Variants in PRKG1 observed in about 807,000 individuals in gnomAD.
The protein encoded by PRKG1 is protein kinase cGMP-dependent 1.
Under a neutral mutation model 88.1 loss-of-function variants are expected in PRKG1, and 35 were observed. The observed-to-expected ratio is 0.40, with a 90% CI of 0.30 to 0.53. PRKG1 has a LOEUF of 0.53. Ranked by LOEUF, PRKG1 falls within the 20% of genes least tolerant of loss-of-function variation. The pLI is 0.59. For synonymous variants in PRKG1, 303 were observed against 292.5 expected (o/e 1.04, Z -0.37); for missense variants, 540 against 839.8 (o/e 0.64, Z 4.41).
At chr10:51,378,331 A>G (rs1842855261) in intron 2 of PRKG1, among the ~76,000 whole-genome samples, 1 of 152,206 alleles carries the variant, frequency 6.6e-6, no homozygotes, top group South Asian at 2.1e-4. Flanking sequence ...CTTAAAATGC[A>G]TGATTCATGC....
chr10:52,141,866 C>A (rs1837590530), intron 8 of PRKG1, among the ~76,000 whole-genome samples: 2 of 152,184 alleles, frequency 1.3e-5, no homozygotes, highest in Middle Eastern at 3.4e-3. Context: ...AAAGGCCAAA[C>A]AATAAATATT....
intron 8 of PRKG1, among the ~76,000 whole-genome samples, chr10:52,145,248 C>A (rs1191983352): frequency 1.3e-5 from 2 of 152,232 alleles, no homozygotes; most frequent in African/African-American, 2.4e-5. Context: ...ATAAATAATT[C>A]ATTTTTTTCC....
At chr10:52,183,326 C>A (rs1432235347) in intron 9 of PRKG1, among the ~76,000 whole-genome samples, 1 of 152,146 alleles carries the variant, frequency 6.6e-6, no homozygotes, top group Non-Finnish European at 1.5e-5. Flanking sequence ...AAAGTGGGTA[C>A]AAAGGAACTG....
chr10:51,934,229 G>A (rs1320158406), intron 5 of PRKG1, among the ~76,000 whole-genome samples: 1 of 150,044 alleles, frequency 6.7e-6, no homozygotes, highest in Non-Finnish European at 1.5e-5. Flanking sequence ...CAAGTGTAGG[G>A]TTGTGTGCAT....
At chr10:51,556,053 A>T (rs941824600) in intron 3 of PRKG1, among the ~76,000 whole-genome samples, 1 of 151,986 alleles carries the variant, frequency 6.6e-6, no homozygotes, top group Non-Finnish European at 1.5e-5. Flanking sequence ...GGAGAGAACA[A>T]GGGAGGGAAG....
At chr10:52,196,306 G>A (rs188205981) in intron 9 of PRKG1, among the ~76,000 whole-genome samples, 50 of 152,240 alleles carry the variant, frequency 3.3e-4, no homozygotes, top group African/African-American at 9.6e-4. Flanking sequence ...GTGAGCCACC[G>A]CGCCAGGCCA....
intron 5 of PRKG1, among the ~76,000 whole-genome samples, chr10:51,992,683 C>T (rs1844343547): frequency 6.6e-6 from 1 of 152,114 alleles, no homozygotes; most frequent in South Asian, 2.1e-4. Flanking sequence ...TTCTGGCTTA[C>T]TTAGACATCC....
chr10:51,752,991 G>A (rs1228688838), intron 3 of PRKG1, among the ~76,000 whole-genome samples: 2 of 152,050 alleles, frequency 1.3e-5, no homozygotes, highest in East Asian at 1.9e-4. Context: ...CTAATGTTAA[G>A]ATGTCTCATA....
chr10:51,078,858 C>T (rs1002992294), intron 1 of PRKG1, among the ~76,000 whole-genome samples: 1 of 151,898 alleles, frequency 6.6e-6, no homozygotes, highest in African/African-American at 2.4e-5. Flanking sequence ...CCTCATGATC[C>T]GCCTGCCTTG....
intron 5 of PRKG1, among the ~76,000 whole-genome samples, chr10:51,933,971 A>G (rs1271833672): frequency 6.6e-6 from 1 of 152,184 alleles, no homozygotes; most frequent in Non-Finnish European, 1.5e-5. Flanking sequence ...AATTTTTGTT[A>G]TAAAGTACAA....
chr10:51,466,774 T>A (rs1365595379), intron 2 of PRKG1, among the ~76,000 whole-genome samples: 2 of 151,998 alleles, frequency 1.3e-5, no homozygotes, highest in African/African-American at 4.8e-5. Flanking sequence ...AATCAAAGTA[T>A]AAAGGCCTGA....
intron 3 of PRKG1, among the ~76,000 whole-genome samples, chr10:51,654,693 A>G (rs1335365470): frequency 6.6e-6 from 1 of 152,200 alleles, no homozygotes; most frequent in East Asian, 1.9e-4. Flanking sequence ...CAGTTGGATA[A>G]CATATTCTTC....
chr10:51,421,568 C>A (rs1588942198), intron 2 of PRKG1, among the ~76,000 whole-genome samples: 1 of 152,126 alleles, frequency 6.6e-6, no homozygotes, highest in African/African-American at 2.4e-5. Context: ...TTCATGGCAA[C>A]TTTTCAGGCT....
intron 1 of PRKG1, among the ~76,000 whole-genome samples, chr10:50,997,887 G>T (rs1314376047): frequency 1.3e-5 from 2 of 152,096 alleles, no homozygotes; most frequent in Non-Finnish European, 2.9e-5. Context: ...GTGTATATAT[G>T]AACACATACA....
intron 9 of PRKG1, among the ~76,000 whole-genome samples, chr10:52,198,200 A>G (rs1289862073): frequency 6.6e-6 from 1 of 152,228 alleles, no homozygotes; most frequent in East Asian, 1.9e-4. Context: ...TCTGTAGTAT[A>G]TGGTTTCGAG....
At chr10:51,814,850 ACATTT>A (rs1320133820) in intron 4 of PRKG1, among the ~76,000 whole-genome samples, 1 of 152,314 alleles carries the variant, frequency 6.6e-6, no homozygotes, top group Non-Finnish European at 1.5e-5. Context: ...ATTCATCTGC[ACATTT>A]CATATTGTTA....
At chr10:51,444,649 A>G (rs12761939) in intron 2 of PRKG1, among the ~76,000 whole-genome samples, 37,930 of 151,790 alleles carry the variant, frequency 0.25, 5,750 homozygotes, top group Non-Finnish European at 0.34. Flanking sequence ...GATATCTTAG[A>G]TATAATTTCT....
intron 2 of PRKG1, among the ~76,000 whole-genome samples, chr10:51,237,891 T>TGTAGCCTTAGACA (rs1424888814): frequency 6.6e-6 from 1 of 152,202 alleles, no homozygotes; most frequent in Admixed American, 6.5e-5. Flanking sequence ...GATGGTTAGA[T>TGTAGCCTTAGACA]GTAGCCTTAG....
chr10:52,061,714 AT>A (rs1490180976), intron 6 of PRKG1, among the ~76,000 whole-genome samples: 1 of 152,074 alleles, frequency 6.6e-6, no homozygotes, highest in African/African-American at 2.4e-5. Context: ...TTTTAAGGGC[AT>A]TTTATTTATT....
Sources: allele counts gnomAD v4.1 joint callset (sites outside exome capture counted in the v4.1 genomes callset), GRCh38; gene constraint gnomAD v4.1.1; transcripts MANE v1.5; gene names NCBI Gene and HGNC (gene_info 2026-07-23, HGNC 2026-07-21).